TDRD1: variants seen among roughly 807,000 people sequenced by gnomAD.
TDRD1 encodes the protein tudor domain containing 1, also known as tudor domain-containing protein 1.
A neutral mutation model predicts 140.6 loss-of-function variants in TDRD1; 37 were observed. That is an observed-to-expected ratio of 0.26 (90% CI 0.20 to 0.35). TDRD1 has a LOEUF of 0.35. Among genes scored for constraint, TDRD1 ranks in the 10% least tolerant of loss-of-function variants. The pLI, the probability that TDRD1 is intolerant of heterozygous loss-of-function variation, is 1.00. For synonymous variants in TDRD1, 506 were observed against 475.7 expected, an observed-to-expected ratio of 1.06 and a Z score of -0.83; for missense variants, 1,243 against 1,393.0, an observed-to-expected ratio of 0.89 and a Z score of 1.71.
chr10:114,224,605 T>C (rs1329530603), intron 21 of TDRD1, among the ~76,000 whole-genome samples: 1 of 152,244 alleles, frequency 6.6e-6, no homozygotes, highest in African/African-American at 2.4e-5. Context: ...TAAAGAGATT[T>C]CCTCAATTTC....
At position 114,209,167 on chromosome 10, in the gene TDRD1, C is replaced by T. The variant is rs1026912958; in HGVS notation, c.1385-1414C>T. Among the ~76,000 whole-genome samples, 9 of 152,172 alleles carry T rather than the reference C, an allele frequency of 5.9e-5. No homozygotes were observed. In the East Asian group the frequency reaches 1.7e-3, roughly 29 times the overall value. ...ACCAGGAGTTTGAGGCCCCAGTATG[C>T]CATGATTGTACCTGTTAATAGCCAC... On this transcript the variant is annotated intron_variant, in intron 11 of 25. Transcript: ENST00000251864.
Position 114,218,590 on chromosome 10 carries a change from G to A in TDRD1, c.2494+6G>A. On this transcript the variant is annotated splice_donor_region_variant and intron_variant, in intron 18 of 25. Transcript: ENST00000251864. Reference sequence around the variant, plus strand: ...AATACGGTGCCAGTTAGCAGGTATGGTATACAATAAGAAACTTTCTCAACT... The same window carrying A: ...AATACGGTGCCAGTTAGCAGGTATGATATACAATAAGAAACTTTCTCAACT... 1 of 1,574,174 alleles carries A rather than the reference G, an allele frequency of 6.4e-7. No homozygotes were observed.
intron 11 of TDRD1, among the ~76,000 whole-genome samples, chr10:114,209,262 G>T (rs2035328147): frequency 6.6e-6 from 1 of 152,136 alleles, no homozygotes; most frequent in African/African-American, 2.4e-5. Flanking sequence ...TCTTATGATG[G>T]ACTCATGCAG....
intron 3 of TDRD1, among the ~76,000 whole-genome samples, chr10:114,197,070 C>G (rs1441746041): frequency 3.9e-5 from 6 of 152,002 alleles, no homozygotes; most frequent in Admixed American, 3.9e-4. Context: ...TGGTCTTGAA[C>G]TCCTGACCTC....
chr10:114,225,701 TA>T (rs1426537007), intron 21 of TDRD1, among the ~76,000 whole-genome samples: 1 of 151,754 alleles, frequency 6.6e-6, no homozygotes, highest in Non-Finnish European at 1.5e-5. Flanking sequence ...CTACCAAGAA[TA>T]AAAAGTTAGC....
At chr10:114,181,718 G>A (rs977453618) in intron 1 of TDRD1, among the ~76,000 whole-genome samples, 1 of 152,062 alleles carries the variant, frequency 6.6e-6, no homozygotes, top group Non-Finnish European at 1.5e-5. Flanking sequence ...GATGGGGCAT[G>A]CCTGTAGTCC....
At chr10:114,196,836 T>C (rs2034390374) in intron 3 of TDRD1, among the ~76,000 whole-genome samples, 1 of 83,128 alleles carries the variant, frequency 1.2e-5, no homozygotes, top group Non-Finnish European at 2.8e-5. Context: ...TAGCAGTCTT[T>C]TTTTTTTTTT....
At chr10:114,207,890 A>G (rs1168057379) in intron 11 of TDRD1, among the ~76,000 whole-genome samples, 1 of 151,970 alleles carries the variant, frequency 6.6e-6, no homozygotes, top group Non-Finnish European at 1.5e-5. Flanking sequence ...GGCTAAGGCC[A>G]GTACAGACAA....
rs887291043 is a variant in TDRD1, at chr10:114,188,262, A to G, written c.325+106A>G. 22 of 935,798 alleles carry G rather than the reference A, an allele frequency of 2.4e-5. No individual in the cohort carries two copies. In the South Asian group the frequency reaches 4.1e-4, roughly 18 times the overall value. The allele number at this position is 935,798 out of a possible 1,614,324, so 58.0% of individuals were successfully genotyped here. ...AGTGGGCTATTAGCAGAACAGGCAC[A>G]TGACTACCTTACCGTATTTGCATTT... On this transcript the variant is annotated intron_variant, in intron 2 of 25. Coordinates refer to ENST00000251864, the Ensembl canonical transcript of TDRD1.
chr10:114,204,216 T>G, exon 9 of TDRD1: 1 of 1,581,154 alleles, frequency 6.3e-7, no homozygotes, highest in Non-Finnish European at 8.5e-7. Context: ...TTCCTCCTTG[T>G]GTGAGTCTCT....
At chr10:114,192,701 T>G (rs2120299144) in intron 3 of TDRD1, among the ~76,000 whole-genome samples, 1 of 152,316 alleles carries the variant, frequency 6.6e-6, no homozygotes, top group East Asian at 1.9e-4. Flanking sequence ...CAGTGCCATC[T>G]GTTGAAAATT....
chr10:114,214,236 T>G (rs2035667251), intron 16 of TDRD1, 122 bp downstream of exon 16: 1 of 808,848 alleles, frequency 1.2e-6, no homozygotes, highest in Non-Finnish European at 1.9e-6. Context: ...GTGGTATTTG[T>G]ATTTCCAAGA....
chr10:114,188,446 A>G (rs558272167), intron 2 of TDRD1, among the ~76,000 whole-genome samples: 1 of 152,352 alleles, frequency 6.6e-6, no homozygotes, highest in Non-Finnish European at 1.5e-5. Flanking sequence ...GGGTGTTCTA[A>G]AGATTGACCC....
At chr10:114,212,360 CAGGT>C (rs2035540798) in intron 14 of TDRD1, among the ~76,000 whole-genome samples, 1 of 152,168 alleles carries the variant, frequency 6.6e-6, no homozygotes, top group Non-Finnish European at 1.5e-5. Flanking sequence ...TACATTCCCA[CAGGT>C]GGAACAGGTC....
rs540695847 is a variant in TDRD1 at position 114,190,977 on chromosome 10, A to C, written c.342A>C (p.Pro114=). 28 of 1,614,110 alleles carry C rather than the reference A, an allele frequency of 1.7e-5. No individual in the cohort carries two copies. The South Asian group carries it at 3.1e-4, about 18-fold the overall frequency. The change falls in exon 3 of 26, where the codon CCA becomes CCC. Residue 114 remains proline (P), a synonymous_variant. Coordinates refer to ENST00000251864, the Ensembl canonical transcript of TDRD1. ...CCTCCCCAGGAAACTCAGTGTCACC[A>C]CCAAGTGCTGAAAGTAATTCACCAC...
At chr10:114,221,903 T>G (rs1334094440) in intron 20 of TDRD1, among the ~76,000 whole-genome samples, 1 of 152,216 alleles carries the variant, frequency 6.6e-6, no homozygotes, top group Non-Finnish European at 1.5e-5. Context: ...ATATAAAAAT[T>G]TATTTTTAAT....
intron 3 of TDRD1, among the ~76,000 whole-genome samples, chr10:114,197,963 C>T (rs1466854158): frequency 6.6e-6 from 1 of 152,104 alleles, no homozygotes; most frequent in East Asian, 1.9e-4. Flanking sequence ...GTCTCTGTAT[C>T]GTATTTAAAC....
At chr10:114,217,519 T>G in intron 16 of TDRD1, 26 bp from the exon 17 acceptor site, 1 of 1,248,650 alleles carries the variant, frequency 8.0e-7, no homozygotes, top group Non-Finnish European at 1.1e-6. Context: ...ATGTTCTTAA[T>G]TTTTTAATCC....
intron 1 of TDRD1, among the ~76,000 whole-genome samples, chr10:114,187,433 G>T (rs901149381): frequency 2.0e-4 from 31 of 152,166 alleles, no homozygotes; most frequent in African/African-American, 7.5e-4. Flanking sequence ...AAGGTAGAAA[G>T]GTAGGTGACG....
Sources: allele counts gnomAD v4.1 joint callset (sites outside exome capture counted in the v4.1 genomes callset), GRCh38; gene constraint gnomAD v4.1.1; transcripts MANE v1.5; gene names NCBI Gene and HGNC (gene_info 2026-07-23, HGNC 2026-07-21).